The following TPD52L1 variants were observed in gnomAD, a reference collection of about 807,000 sequenced individuals.
TPD52L1 encodes the protein TPD52 like 1.
Under a neutral mutation model 28.7 loss-of-function variants are expected in TPD52L1, and 18 were observed. The observed-to-expected ratio is 0.63, with a 90% CI of 0.43 to 0.93. The LOEUF is 0.93. Among genes scored for constraint, TPD52L1 ranks in the 40% least tolerant of loss-of-function variants. TPD52L1 has a pLI of 0.00. For synonymous variants in TPD52L1, 75 were observed against 88.8 expected, an observed-to-expected ratio of 0.84 and a Z score of 0.88; for missense variants, 203 against 254.8, an observed-to-expected ratio of 0.80 and a Z score of 1.39.
In TPD52L1 at chr6:125,229,159, GAA is replaced by G; in HGVS notation, c.179_180del (p.Lys60ArgfsTer6). Reference protein sequence around the residue: ...ITTLRQVLSAKERHLVEIKQK... With the variant: ...ITTLRQVLSAXERHLVEIKQK... Reference sequence around the variant, plus strand: ...CAACACTACGACAAGTTTTGTCAGCGAAAGAAAGGCATCTAGTTGAGATAAAA... The same window carrying G: ...CAACACTACGACAAGTTTTGTCAGCGAGAAAGGCATCTAGTTGAGATAAAA... On this transcript the variant is annotated frameshift_variant, in exon 3 of 7. Transcript: ENST00000534000. LOFTEE classifies it high-confidence loss of function. 1.2e-6 allele frequency: 2 copies of G among 1,613,358 alleles called. No homozygotes were observed. The highest frequency in any genetic ancestry group is 1.7e-6 in the Non-Finnish European group (2 of 1,179,720).
At chr6:125,178,958 C>T (rs1036217669) in intron 1 of TPD52L1, among the ~76,000 whole-genome samples, 2 of 152,204 alleles carry the variant, frequency 1.3e-5, no homozygotes, top group Non-Finnish European at 2.9e-5. Flanking sequence ...AACTCCCTGA[C>T]TTCCAAAGGG....
intron 5 of TPD52L1, among the ~76,000 whole-genome samples, chr6:125,256,823 G>A (rs1797633349): frequency 6.6e-6 from 1 of 152,198 alleles, no homozygotes; most frequent in Non-Finnish European, 1.5e-5. Flanking sequence ...AGTGTACCAT[G>A]GAATTATTAC....
chr6:125,234,099 A>G (rs1486466106), intron 3 of TPD52L1, among the ~76,000 whole-genome samples: 1 of 152,258 alleles, frequency 6.6e-6, no homozygotes, highest in East Asian at 1.9e-4. Context: ...ATCTCTCAGT[A>G]AACAGTCTTA....
chr6:125,173,074 A>T (rs763313653), intron 1 of TPD52L1, among the ~76,000 whole-genome samples: 9 of 152,244 alleles, frequency 5.9e-5, no homozygotes, highest in East Asian at 1.9e-4. Flanking sequence ...TTATCGATCA[A>T]TATTGCAATT....
At chr6:125,162,073 C>T (rs781582208) in intron 1 of TPD52L1, among the ~76,000 whole-genome samples, 1 of 152,088 alleles carries the variant, frequency 6.6e-6, no homozygotes, top group Non-Finnish European at 1.5e-5. Context: ...TAATAATAAA[C>T]CTCAAACTAT....
chr6:125,229,514 T>C (rs576535812), intron 3 of TPD52L1, among the ~76,000 whole-genome samples: 2 of 152,402 alleles, frequency 1.3e-5, no homozygotes, highest in African/African-American at 2.4e-5. Context: ...CAGACTACTT[T>C]CATTAGGTTT....
At chr6:125,166,525 A>G (rs1790916204) in intron 1 of TPD52L1, among the ~76,000 whole-genome samples, 1 of 152,148 alleles carries the variant, frequency 6.6e-6, no homozygotes, top group South Asian at 2.1e-4. Context: ...TAAGCATTGG[A>G]GGGGAAGAAA....
At chr6:125,196,628 C>T (rs939365712) in intron 1 of TPD52L1, among the ~76,000 whole-genome samples, 2 of 152,198 alleles carry the variant, frequency 1.3e-5, no homozygotes, top group Admixed American at 6.5e-5. Context: ...GTAATATATA[C>T]TTTGGTGTTT....
At chr6:125,227,233 T>C (rs768520245) in intron 2 of TPD52L1, among the ~76,000 whole-genome samples, 7 of 152,228 alleles carry the variant, frequency 4.6e-5, no homozygotes, top group Non-Finnish European at 7.3e-5. Context: ...TTAAGATGCT[T>C]GTGATTCAGT....
chr6:125,236,458 T>C (rs373696030), intron 3 of TPD52L1, among the ~76,000 whole-genome samples: 2 of 152,196 alleles, frequency 1.3e-5, no homozygotes, highest in African/African-American at 2.4e-5. Flanking sequence ...ATTTAAATTA[T>C]GCATTAAATT....
At chr6:125,256,536 A>G (rs1037594732) in intron 5 of TPD52L1, among the ~76,000 whole-genome samples, 1 of 152,246 alleles carries the variant, frequency 6.6e-6, no homozygotes, top group Non-Finnish European at 1.5e-5. Context: ...CACTTCATGT[A>G]AGTTGTCAAA....
chr6:125,224,720 A>C (rs1328534372), intron 2 of TPD52L1, among the ~76,000 whole-genome samples: 1 of 152,224 alleles, frequency 6.6e-6, no homozygotes, highest in Admixed American at 6.5e-5. Flanking sequence ...GATGATGCCT[A>C]GTTTATGAAA....
intron 1 of TPD52L1, among the ~76,000 whole-genome samples, chr6:125,185,471 G>T (rs1176895599): frequency 6.6e-6 from 1 of 152,052 alleles, no homozygotes; most frequent in Non-Finnish European, 1.5e-5. Context: ...CTAGAAATAA[G>T]TATTAAAATA....
chr6:125,217,539 G>A (rs1794965297), intron 1 of TPD52L1, among the ~76,000 whole-genome samples: 1 of 152,100 alleles, frequency 6.6e-6, no homozygotes, highest in Admixed American at 6.6e-5. Context: ...GGGAGGCAGA[G>A]CTCAGGTGGT....
At chr6:125,206,107 T>C (rs963490949) in intron 1 of TPD52L1, among the ~76,000 whole-genome samples, 4 of 152,220 alleles carry the variant, frequency 2.6e-5, no homozygotes, top group African/African-American at 9.6e-5. Flanking sequence ...GGCTGAGCAT[T>C]GCAGACATAA....
At chr6:125,223,708 CAAAAAAAAAAAA>C (rs11294390) in intron 2 of TPD52L1, among the ~76,000 whole-genome samples, 11 of 71,500 alleles carry the variant, frequency 1.5e-4, no homozygotes, top group South Asian at 8.3e-4. Flanking sequence ...GATTCCATCT[CAAAAAAAAAAAA>C]AAAAAAAAAA....
At chr6:125,192,196 T>C (rs1043163419) in intron 1 of TPD52L1, among the ~76,000 whole-genome samples, 3 of 152,196 alleles carry the variant, frequency 2.0e-5, no homozygotes, top group Non-Finnish European at 4.4e-5. Context: ...AACTGTAGGT[T>C]TATGATTGTC....
intron 1 of TPD52L1, among the ~76,000 whole-genome samples, chr6:125,180,169 T>C (rs1264076566): frequency 6.6e-6 from 1 of 152,180 alleles, no homozygotes; most frequent in African/African-American, 2.4e-5. Context: ...AGTCCTCAAA[T>C]GTCTCACTTT....
At chr6:125,231,410 C>T (rs1795940249) in intron 3 of TPD52L1, among the ~76,000 whole-genome samples, 1 of 152,162 alleles carries the variant, frequency 6.6e-6, no homozygotes, top group Non-Finnish European at 1.5e-5. Context: ...GGAAATAGAG[C>T]TGGCAAGTTC....
Sources: allele counts gnomAD v4.1 joint callset (sites outside exome capture counted in the v4.1 genomes callset), GRCh38; gene constraint gnomAD v4.1.1; transcripts MANE v1.5; gene names NCBI Gene and HGNC (gene_info 2026-07-23, HGNC 2026-07-21).